PATL2: variants seen among roughly 807,000 people sequenced by gnomAD.
PATL2 encodes protein PAT1 homolog 2.
In PATL2, 73 loss-of-function variants were observed where a neutral mutation model predicts 77.0. That is an observed-to-expected ratio of 0.95 (90% CI 0.78 to 1.15). PATL2 has a LOEUF of 1.15. Ranked by LOEUF, PATL2 falls within the 50% of genes most tolerant of loss-of-function variation. The pLI is 0.00. For synonymous variants in PATL2, 265 were observed against 257.1 expected (o/e 1.03, Z -0.29); for missense variants, 618 against 655.4 (o/e 0.94, Z 0.62).
At chr15:44,675,842 C>T (rs1214930349) in intron 4 of PATL2, 151 bp from the exon 5 acceptor site, 11 of 671,330 alleles carry the variant, frequency 1.6e-5, no homozygotes, top group South Asian at 1.3e-4. Context: ...GGGTTTAACT[C>T]GGCCTCCCTT....
intron 3 of PATL2, among the ~76,000 whole-genome samples, chr15:44,701,424 G>A (rs900930601): frequency 6.6e-6 from 1 of 151,926 alleles, no homozygotes; most frequent in Non-Finnish European, 1.5e-5. Flanking sequence ...GGCTGGGCAT[G>A]GTGGCTCATG....
chr15:44,704,191 T>C (rs1346896697), intron 3 of PATL2, among the ~76,000 whole-genome samples: 2 of 150,408 alleles, frequency 1.3e-5, no homozygotes, highest in Non-Finnish European at 3.0e-5. Flanking sequence ...ACAAGCACTT[T>C]TGTAGAGACA....
At chr15:44,683,191 A>G (rs1296045526) in intron 3 of PATL2, among the ~76,000 whole-genome samples, 5 of 151,586 alleles carry the variant, frequency 3.3e-5, no homozygotes, top group Non-Finnish European at 5.9e-5. Flanking sequence ...AGCTAGCTGC[A>G]GTTTTTTTTT....
At chr15:44,674,283 C>T (rs1410127997) in intron 5 of PATL2, 53 bp from the exon 6 acceptor site, 1 of 1,314,700 alleles carries the variant, frequency 7.6e-7, no homozygotes, top group Non-Finnish European at 1.0e-6. Context: ...GTAGTGTCTT[C>T]TGCATTCACC....
rs143421876 is a variant in PATL2, at chr15:44,698,460, T to G, written c.-76+11636A>C. 4.2e-4 allele frequency among the ~76,000 whole-genome samples: 64 copies of G among 152,246 alleles called. No homozygotes were observed. In the East Asian group the frequency reaches 0.011, roughly 26 times the overall value. On this transcript the variant is annotated intron_variant, in intron 3 of 17. Coordinates refer to ENST00000682850, the MANE Select transcript of PATL2 (RefSeq NM_001387263.1). ...ATTTCCATGAATTCAGTTGCTGTAA[T>G]TTTTAGCTCCCACAGAGAAGAACAC...
At chr15:44,686,325 A>C (rs1481480254) in intron 3 of PATL2, among the ~76,000 whole-genome samples, 1 of 152,234 alleles carries the variant, frequency 6.6e-6, no homozygotes, top group Admixed American at 6.5e-5. Flanking sequence ...AAATAACAAT[A>C]TTAAGGCAGA....
intron 3 of PATL2, among the ~76,000 whole-genome samples, chr15:44,700,998 T>G (rs1447491056): frequency 6.6e-6 from 1 of 152,294 alleles, no homozygotes; most frequent in East Asian, 1.9e-4. Context: ...TTTTATCAAC[T>G]GTTTTTTCAG....
chr15:44,690,502 CTTT>C (rs60470113), intron 3 of PATL2, among the ~76,000 whole-genome samples: 3 of 132,736 alleles, frequency 2.3e-5, no homozygotes, highest in Admixed American at 7.7e-5. Flanking sequence ...CCATGCCTGG[CTTT>C]TTTTTTTTTT....
In PATL2 at chr15:44,666,550, C is replaced by G; in HGVS notation, c.1464-9G>C. On this transcript the variant is annotated splice_polypyrimidine_tract_variant and intron_variant, in intron 16 of 17. Transcript: ENST00000682850. ...GAACCACCATGTCTGTCCTAGAGAG[C>G]ATAAATATAAATATAAGCAAATAGA... 1 of 1,504,686 alleles carries G rather than the reference C, an allele frequency of 6.6e-7. No homozygotes were observed. Among genetic ancestry groups the G allele is most frequent in the Non-Finnish European group, 8.9e-7 (1 of 1,127,684 alleles). 93.2% of individuals were successfully genotyped at this position (1,504,686 alleles called of 1,614,324 possible).
chr15:44,699,768 A>G (rs1414418652), intron 3 of PATL2, among the ~76,000 whole-genome samples: 1 of 152,190 alleles, frequency 6.6e-6, no homozygotes, highest in Non-Finnish European at 1.5e-5. Flanking sequence ...TCCTTTCTCC[A>G]ATGTAGGTTT....
intron 3 of PATL2, among the ~76,000 whole-genome samples, chr15:44,686,781 A>G (rs547493587): frequency 6.6e-5 from 10 of 152,358 alleles, no homozygotes; most frequent in African/African-American, 9.6e-5. Context: ...AAAAACCTCT[A>G]TGCAAATAAA....
intron 3 of PATL2, among the ~76,000 whole-genome samples, chr15:44,702,419 G>A (rs993306914): frequency 2.0e-5 from 3 of 149,742 alleles, no homozygotes; most frequent in African/African-American, 7.4e-5. Flanking sequence ...GTTGATTTTT[G>A]TCTTTAAAAA....
chr15:44,668,847 G>T (rs2085514172), intron 14 of PATL2, 133 bp downstream of exon 14: 2 of 1,100,638 alleles, frequency 1.8e-6, no homozygotes, highest in South Asian at 1.9e-5. Flanking sequence ...TTGCCTGAGG[G>T]TGGCAAGGCC....
chr15:44,691,442 G>T (rs570718709), intron 3 of PATL2, among the ~76,000 whole-genome samples: 1 of 152,270 alleles, frequency 6.6e-6, no homozygotes, highest in Admixed American at 6.5e-5. Context: ...CGGATCACTT[G>T]AGGTCAGGAG....
chr15:44,698,829 C>T (rs2141259743), intron 3 of PATL2, among the ~76,000 whole-genome samples: 1 of 152,270 alleles, frequency 6.6e-6, no homozygotes, highest in South Asian at 2.1e-4. Context: ...GCTGTTCTCC[C>T]TAGTGGCTAT....
intron 3 of PATL2, among the ~76,000 whole-genome samples, chr15:44,681,914 G>A (rs544778737): frequency 1.1e-4 from 17 of 152,294 alleles, no homozygotes; most frequent in Non-Finnish European, 1.5e-4. Flanking sequence ...TCTAGATTGA[G>A]TTTCAGAAAT....
chr15:44,707,367 T>C (rs561582010), intron 3 of PATL2, among the ~76,000 whole-genome samples: 8 of 152,044 alleles, frequency 5.3e-5, no homozygotes, highest in Non-Finnish European at 1.0e-4. Flanking sequence ...CGTCTCTGAG[T>C]CTCACCCAAA....
At chr15:44,691,129 T>C (rs540443970) in intron 3 of PATL2, among the ~76,000 whole-genome samples, 13 of 152,220 alleles carry the variant, frequency 8.5e-5, no homozygotes, top group African/African-American at 3.1e-4. Context: ...TGTTAAAATA[T>C]ATTTGGTTAT....
chr15:44,670,073 C>T lies in PATL2; in HGVS notation c.672G>A (p.Lys224=), dbSNP rs537972312. The T allele has an allele frequency of 3.9e-6, 6 of 1,551,620 alleles. No individual in the cohort carries two copies. Among genetic ancestry groups the T allele is most frequent in the African/African-American group, 2.7e-5 (2 of 73,170 alleles). ...DDYYYQEYYQ[K]LEKKQADEEL... The stretch of plus-strand genomic sequence containing the variant: ...CTTCGTCTGCCTGCTTCTTCTCTAG[C>T]TTCTGGTAATATTCCTGAGAATGCA... Residue 224 remains lysine (K), a synonymous_variant, in exon 10 of 18, where the codon AAG becomes AAA. Coordinates refer to ENST00000682850, the MANE Select transcript of PATL2 (RefSeq NM_001387263.1).
Sources: gnomAD v4.1 joint callset for allele counts (sites outside exome capture counted in the v4.1 genomes callset) on GRCh38, gnomAD v4.1.1 for gene constraint, MANE v1.5 for transcripts, NCBI Gene and HGNC (gene_info 2026-07-23, HGNC 2026-07-21) for gene names.